Variants in AIM2 observed in about 807,000 individuals in gnomAD.
AIM2 encodes the protein absent in melanoma 2, also known as interferon-inducible protein AIM2.
AIM2 carries 30 observed loss-of-function variants against 27.7 expected under a neutral mutation model. The ratio of observed to expected loss-of-function variants is 1.08; its 90% CI spans 0.81 to 1.47. AIM2 has a LOEUF of 1.47. Ranked by LOEUF, AIM2 falls within the 40% of genes most tolerant of loss-of-function variation. The probability of loss-of-function intolerance (pLI) is 0.00; values close to 1 mark genes in which losing one functional copy is unlikely to be tolerated. For synonymous variants in AIM2, 141 were observed against 145.3 expected (o/e 0.97, Z 0.21); for missense variants, 358 against 411.3 (o/e 0.87, Z 1.12).
At chr1:159,113,526 C>T (rs1240670045) in intron 1 of AIM2, among the ~76,000 whole-genome samples, 8 of 152,186 alleles carry the variant, frequency 5.3e-5, no homozygotes, top group South Asian at 2.1e-4. Context: ...AAATAAAAGA[C>T]GACTTCTATA....
At chr1:159,084,886 T>A (rs1044054704) in intron 1 of AIM2, among the ~76,000 whole-genome samples, 11 of 150,454 alleles carry the variant, frequency 7.3e-5, no homozygotes, top group Non-Finnish European at 1.0e-4. Context: ...AGGTCAAGAC[T>A]AAACTCACAG....
Position 159,122,868 on chromosome 1 carries a change from C to A in AIM2, c.-16+17563G>T, listed in dbSNP as rs144352522. Reference sequence around the variant, plus strand: ...TCTGACCCATTCGCTTCATACATTGCTAGGTGACTAGTTAGTCAAGAGCTT... The same window carrying A: ...TCTGACCCATTCGCTTCATACATTGATAGGTGACTAGTTAGTCAAGAGCTT... On this transcript the variant is annotated intron_variant, in intron 1 of 2. Coordinates refer to the AIM2 transcript ENST00000368129. Among the ~76,000 whole-genome samples the A allele has an allele frequency of 8.3e-3, 1,265 of 152,302 alleles. 14 individuals are homozygous for A. The highest frequency in any genetic ancestry group is 0.016 in the South Asian group (79 of 4,824).
intron 2 of AIM2, 133 bp from the exon 3 acceptor site, chr1:159,068,834 A>G (rs1656231653): frequency 3.0e-6 from 3 of 988,990 alleles, no homozygotes; most frequent in South Asian, 3.5e-5. Context: ...TTCTTAAAAA[A>G]AAATCATATT....
At chr1:159,083,052 G>A (rs1439418769) in intron 1 of AIM2, among the ~76,000 whole-genome samples, 1 of 152,056 alleles carries the variant, frequency 6.6e-6, no homozygotes, top group Non-Finnish European at 1.5e-5. Flanking sequence ...CAATAAGCAC[G>A]TCAAGATGGA....
At chr1:159,068,171 C>T (rs188615451) in intron 3 of AIM2, among the ~76,000 whole-genome samples, 163 of 152,240 alleles carry the variant, frequency 1.1e-3, no homozygotes, top group African/African-American at 3.8e-3. Context: ...TCCCGAGCTC[C>T]CTGTAGGGTA....
At chr1:159,115,647 C>A (rs188909576) in intron 1 of AIM2, among the ~76,000 whole-genome samples, 1 of 152,328 alleles carries the variant, frequency 6.6e-6, no homozygotes, top group Admixed American at 6.5e-5. Context: ...AAAGCTGAAA[C>A]TGGATCCCTT....
intron 3 of AIM2, among the ~76,000 whole-genome samples, chr1:159,066,814 G>A (rs1252399632): frequency 6.6e-6 from 1 of 152,154 alleles, no homozygotes; most frequent in East Asian, 1.9e-4. Flanking sequence ...AGGGAGCATT[G>A]TACATAACAA....
At chr1:159,096,469 T>C (rs1456167848) in intron 1 of AIM2, among the ~76,000 whole-genome samples, 1 of 152,158 alleles carries the variant, frequency 6.6e-6, no homozygotes, top group Non-Finnish European at 1.5e-5. Context: ...AATAATAATA[T>C]AGTATTTAAT....
chr1:159,057,113 A>G, the AIM2 span, among the ~76,000 whole-genome samples: 24 of 152,276 alleles, frequency 1.6e-4, no homozygotes, highest in South Asian at 5.0e-3. Flanking sequence ...TCCCTCTTCC[A>G]TCCTCACATC....
intron 1 of AIM2, among the ~76,000 whole-genome samples, chr1:159,118,858 T>A (rs377456017): frequency 1.3e-3 from 205 of 152,304 alleles, no homozygotes; most frequent in African/African-American, 4.7e-3. Context: ...GTGTTTTTTT[T>A]TCCTTCTGCA....
At chr1:159,067,049 A>T (rs1656135207) in intron 3 of AIM2, among the ~76,000 whole-genome samples, 1 of 152,362 alleles carries the variant, frequency 6.6e-6, no homozygotes, top group African/African-American at 2.4e-5. Context: ...GGTTAAATAA[A>T]ATAGGTATAG....
downstream of AIM2, among the ~76,000 whole-genome samples, chr1:159,058,518 G>T (rs899312426): frequency 6.6e-6 from 1 of 151,890 alleles, no homozygotes; most frequent in Non-Finnish European, 1.5e-5. Flanking sequence ...ACTGCTCACC[G>T]GTTCATCTGG....
At chr1:159,080,234 A>G (rs1656744645), upstream of AIM2, among the ~76,000 whole-genome samples, 1 of 152,212 alleles carries the variant, frequency 6.6e-6, no homozygotes, top group African/African-American at 2.4e-5. Flanking sequence ...AGATATAATA[A>G]GAGTATGTTT....
chr1:159,080,069 T>C (rs1656739926), upstream of AIM2, among the ~76,000 whole-genome samples: 1 of 152,216 alleles, frequency 6.6e-6, no homozygotes, highest in East Asian at 1.9e-4. Context: ...TTTATCTGTT[T>C]ATCCATTCAC....
intron 1 of AIM2, among the ~76,000 whole-genome samples, chr1:159,124,443 G>A (rs996307310): frequency 1.9e-4 from 29 of 152,232 alleles, no homozygotes; most frequent in African/African-American, 6.3e-4. Flanking sequence ...CCTAGCCCCC[G>A]TTCTAGACTA....
intron 1 of AIM2, among the ~76,000 whole-genome samples, chr1:159,097,671 T>A (rs1657206473): frequency 6.6e-6 from 1 of 152,202 alleles, no homozygotes; most frequent in East Asian, 1.9e-4. Context: ...TATGTTTAAA[T>A]TTCCTTATCT....
At chr1:159,073,692 T>G (rs1656473685) in intron 1 of AIM2, among the ~76,000 whole-genome samples, 173 bp from the exon 2 acceptor site, 1 of 152,206 alleles carries the variant, frequency 6.6e-6, no homozygotes, top group Non-Finnish European at 1.5e-5. Context: ...TCACTACTCC[T>G]GGGAAAGACA....
chr1:159,107,381 G>C (rs1434156550), intron 1 of AIM2, among the ~76,000 whole-genome samples: 1 of 151,854 alleles, frequency 6.6e-6, no homozygotes, highest in Non-Finnish European at 1.5e-5. Flanking sequence ...AGCAGGATAC[G>C]AAAAATGGAT....
At chr1:159,094,521 A>G (rs1225479554) in intron 1 of AIM2, among the ~76,000 whole-genome samples, 1 of 152,124 alleles carries the variant, frequency 6.6e-6, no homozygotes, top group Admixed American at 6.5e-5. Flanking sequence ...ACATGGTGAA[A>G]CTTTGTCTCT....
Sources: gnomAD v4.1 joint callset for allele counts (sites outside exome capture counted in the v4.1 genomes callset) on GRCh38, gnomAD v4.1.1 for gene constraint, MANE v1.5 for transcripts, NCBI Gene and HGNC (gene_info 2026-07-23, HGNC 2026-07-21) for gene names.